Variants in GRM3 observed in about 807,000 individuals in gnomAD.
The protein encoded by GRM3 is metabotropic glutamate receptor 3.
GRM3 carries 26 observed loss-of-function variants against 70.5 expected under a neutral mutation model. The observed-to-expected ratio is 0.37, with a 90% CI of 0.27 to 0.51. The LOEUF (loss-of-function observed/expected upper bound fraction) is 0.51. GRM3 is among the 20% of genes least tolerant of loss of function. The pLI, the probability that GRM3 is intolerant of heterozygous loss-of-function variation, is 0.93. For missense variants in GRM3, 859 were observed against 1,123.8 expected, an observed-to-expected ratio of 0.76 and a Z score of 3.37; for synonymous variants, 443 against 434.9, an observed-to-expected ratio of 1.02 and a Z score of -0.23.
intron 1 of GRM3, among the ~76,000 whole-genome samples, chr7:86,718,846 G>C (rs1255078302): frequency 6.6e-6 from 1 of 151,926 alleles, no homozygotes; most frequent in Non-Finnish European, 1.5e-5. Flanking sequence ...TCTCTTGTAA[G>C]AATCATTTGC....
chr7:86,654,809 T>C (rs575476777), intron 1 of GRM3, among the ~76,000 whole-genome samples: 52 of 152,330 alleles, frequency 3.4e-4, no homozygotes, highest in South Asian at 1.0e-3. Context: ...ATTTAATGAG[T>C]GCCTACTGTG....
chr7:86,667,356 T>C (rs1334502397), intron 1 of GRM3, among the ~76,000 whole-genome samples: 3 of 152,136 alleles, frequency 2.0e-5, no homozygotes, highest in Non-Finnish European at 4.4e-5. Context: ...GCTTTGCTTT[T>C]AGTTAAGAAA....
intron 2 of GRM3, among the ~76,000 whole-genome samples, chr7:86,765,928 T>A (rs577664469): frequency 6.6e-6 from 1 of 152,216 alleles, no homozygotes; most frequent in Admixed American, 6.5e-5. Flanking sequence ...GGAGGCTGGG[T>A]TTCACTGGGG....
chr7:86,730,349 G>A (rs1244124114), intron 1 of GRM3, among the ~76,000 whole-genome samples: 1 of 152,188 alleles, frequency 6.6e-6, no homozygotes, highest in Non-Finnish European at 1.5e-5. Context: ...GTAACCGGGA[G>A]GCGGAGGTTG....
intron 1 of GRM3, among the ~76,000 whole-genome samples, chr7:86,651,216 C>T (rs543972455): frequency 3.2e-4 from 49 of 152,286 alleles, no homozygotes; most frequent in African/African-American, 1.1e-3. Flanking sequence ...TTTCACACAA[C>T]CAAAGGGCTG....
chr7:86,840,050 A>G (rs1043750030), intron 4 of GRM3, 145 bp downstream of exon 4: 1 of 613,226 alleles, frequency 1.6e-6, no homozygotes, highest in African/African-American at 1.9e-5. Context: ...GTATGTTAAA[A>G]TTAATTATGT....
intron 1 of GRM3, among the ~76,000 whole-genome samples, chr7:86,700,046 C>T (rs1174373590): frequency 6.6e-6 from 1 of 151,976 alleles, no homozygotes; most frequent in Non-Finnish European, 1.5e-5. Context: ...AGTCCAGAGG[C>T]TGGTAATATT....
At chr7:86,734,074 G>A (rs796847283) in intron 1 of GRM3, among the ~76,000 whole-genome samples, 14 of 152,206 alleles carry the variant, frequency 9.2e-5, no homozygotes, top group African/African-American at 3.4e-4. Flanking sequence ...TGTTTATTTA[G>A]GAAAGTAGCC....
At chr7:86,832,988 A>G (rs1364019072) in intron 3 of GRM3, 8 of 982,550 alleles carry the variant, frequency 8.1e-6, no homozygotes, top group African/African-American at 3.5e-5. Context: ...AAATTCTTCC[A>G]TCTTCCTGGT....
intron 1 of GRM3, among the ~76,000 whole-genome samples, chr7:86,743,577 T>C (rs1373251292): frequency 6.6e-6 from 1 of 152,144 alleles, no homozygotes; most frequent in Non-Finnish European, 1.5e-5. Flanking sequence ...AAGCCATCCC[T>C]GTGACCAGGG....
At position 86,719,392 on chromosome 7, in the gene GRM3, C is replaced by CA. The variant is rs1795399788; in HGVS notation, c.-140-45613dup. Among the ~76,000 whole-genome samples the CA allele has an allele frequency of 3.3e-5, 5 of 151,884 alleles. No homozygotes were observed. In the South Asian group the frequency reaches 1.0e-3, roughly 31 times the overall value. On this transcript the variant is annotated intron_variant, in intron 1 of 5. Transcript: ENST00000361669. ...ATCTCTAATATTTCTGACAGTGTAC[C>CA]AGGCATATAAAGATAAGTCACATGT...
intron 4 of GRM3, among the ~76,000 whole-genome samples, chr7:86,845,568 T>C (rs1798639898): frequency 6.6e-6 from 1 of 152,034 alleles, no homozygotes; most frequent in Admixed American, 6.6e-5. Flanking sequence ...CTCTCTGAAG[T>C]TCCTCAGCAT....
At chr7:86,853,681 A>G (rs748509072) in intron 5 of GRM3, among the ~76,000 whole-genome samples, 1 of 152,204 alleles carries the variant, frequency 6.6e-6, no homozygotes, top group African/African-American at 2.4e-5. Context: ...TAGAGATGAG[A>G]GTAAGCTAAT....
intron 4 of GRM3, among the ~76,000 whole-genome samples, chr7:86,847,028 C>A (rs1562881363): frequency 6.6e-6 from 1 of 152,154 alleles, no homozygotes; most frequent in African/African-American, 2.4e-5. Flanking sequence ...CCACTTCTCA[C>A]AGGGTTACAC....
At chr7:86,696,047 A>C (rs1269659082) in intron 1 of GRM3, among the ~76,000 whole-genome samples, 1 of 152,174 alleles carries the variant, frequency 6.6e-6, no homozygotes, top group African/African-American at 2.4e-5. Flanking sequence ...TTCTTTCTGT[A>C]AACACTTGCT....
At chr7:86,667,769 G>C (rs1200292360) in intron 1 of GRM3, among the ~76,000 whole-genome samples, 1 of 152,056 alleles carries the variant, frequency 6.6e-6, no homozygotes, top group African/African-American at 2.4e-5. Flanking sequence ...CCCTTCTAAC[G>C]GTGTACTCTT....
rs17160962 is a variant in GRM3, at chr7:86,765,955, T to C, written c.468+342T>C. Reference sequence around the variant, plus strand: ...TCACTGGGGGCAGCTCTGCTCCAGGTTGTCTCTTATCCTCCTCCTGGAATC... The same window carrying C: ...TCACTGGGGGCAGCTCTGCTCCAGGCTGTCTCTTATCCTCCTCCTGGAATC... On this transcript the variant is annotated intron_variant, in intron 2 of 5. Transcript: ENST00000361669. 6.2e-3 allele frequency among the ~76,000 whole-genome samples: 942 copies of C among 152,218 alleles called. 4 individuals carry two copies. The highest frequency in any genetic ancestry group is 9.2e-3 in the Non-Finnish European group (626 of 67,994).
intron 3 of GRM3, among the ~76,000 whole-genome samples, chr7:86,821,278 C>T (rs919603815): frequency 3.3e-5 from 5 of 151,282 alleles, no homozygotes; most frequent in African/African-American, 1.2e-4. Context: ...ACTGCTATAG[C>T]TCATATAATT....
chr7:86,651,774 T>C (rs752326712), intron 1 of GRM3, among the ~76,000 whole-genome samples: 1 of 152,152 alleles, frequency 6.6e-6, no homozygotes, highest in East Asian at 1.9e-4. Flanking sequence ...ATCTCTTCCA[T>C]AGATTTTGTT....
Sources: gnomAD v4.1 joint callset for allele counts (sites outside exome capture counted in the v4.1 genomes callset) on GRCh38, gnomAD v4.1.1 for gene constraint, MANE v1.5 for transcripts, NCBI Gene and HGNC (gene_info 2026-07-23, HGNC 2026-07-21) for gene names.